Variants in RAP1A observed in about 807,000 individuals in gnomAD.
RAP1A encodes the protein ras-related protein Rap-1A.
In RAP1A, 6 loss-of-function variants were observed where a neutral mutation model predicts 26.4. That is an observed-to-expected ratio of 0.23 (90% CI 0.12 to 0.45). The LOEUF (loss-of-function observed/expected upper bound fraction) is 0.45. RAP1A is among the 20% of genes least tolerant of loss of function. The pLI is 0.99. For synonymous variants in RAP1A, 73 were observed against 79.4 expected (o/e 0.92, Z 0.43); for missense variants, 121 against 217.2 (o/e 0.56, Z 2.78).
chr1:111,707,454 T>G (rs981539669), intron 6 of RAP1A, among the ~76,000 whole-genome samples: 5 of 152,192 alleles, frequency 3.3e-5, no homozygotes, highest in African/African-American at 4.8e-5. Flanking sequence ...TGCCACTTGT[T>G]TACAGAAATT....
chr1:111,636,983 A>T (rs977626725), intron 1 of RAP1A, among the ~76,000 whole-genome samples: 2 of 151,938 alleles, frequency 1.3e-5, no homozygotes, highest in African/African-American at 4.8e-5. Flanking sequence ...AATAAAAGCT[A>T]CTCCGGTATA....
intron 1 of RAP1A, among the ~76,000 whole-genome samples, chr1:111,573,352 C>G (rs1342554130): frequency 6.6e-6 from 1 of 152,170 alleles, no homozygotes; most frequent in Non-Finnish European, 1.5e-5. Context: ...GCACTCCCAC[C>G]AACAGTGTAT....
intron 1 of RAP1A, among the ~76,000 whole-genome samples, chr1:111,681,683 A>C (rs1354948894): frequency 2.0e-5 from 3 of 152,218 alleles, no homozygotes; most frequent in Admixed American, 6.5e-5. Flanking sequence ...CAAAGCCCCC[A>C]AGAAATGTGG....
intron 1 of RAP1A, chr1:111,648,931 G>A: frequency 1.4e-6 from 1 of 718,424 alleles, no homozygotes; most frequent in Admixed American, 1.8e-5. Context: ...TCCCCTTTAT[G>A]GTTCTTCTTC....
chr1:111,593,651 A>ATTTTTT (rs1658509800), intron 1 of RAP1A, among the ~76,000 whole-genome samples: 2 of 41,402 alleles, frequency 4.8e-5, no homozygotes, highest in African/African-American at 8.6e-5. Flanking sequence ...TATGACTCCT[A>ATTTTTT]CTTTTTTTTT....
intron 1 of RAP1A, among the ~76,000 whole-genome samples, chr1:111,635,139 A>T (rs1659689515): frequency 6.6e-6 from 1 of 152,220 alleles, no homozygotes; most frequent in Admixed American, 6.5e-5. Context: ...ACTAAAACAG[A>T]TGCAAAATTA....
chr1:111,667,962 G>C (rs1281407746), intron 1 of RAP1A, among the ~76,000 whole-genome samples: 2 of 152,150 alleles, frequency 1.3e-5, no homozygotes, highest in African/African-American at 4.8e-5. Context: ...ACTAAGCTCA[G>C]TCTATGAGGA....
intron 1 of RAP1A, among the ~76,000 whole-genome samples, chr1:111,666,578 T>C (rs1660801347): frequency 6.6e-6 from 1 of 152,142 alleles, no homozygotes; most frequent in Non-Finnish European, 1.5e-5. Context: ...CTGAGATTAT[T>C]ATATGTGGCA....
intron 1 of RAP1A, among the ~76,000 whole-genome samples, chr1:111,683,019 C>A (rs952955068): frequency 3.3e-5 from 5 of 152,156 alleles, no homozygotes; most frequent in African/African-American, 1.2e-4. Context: ...GAAACTCACT[C>A]AAAACTGCAC....
intron 1 of RAP1A, among the ~76,000 whole-genome samples, chr1:111,677,746 A>G (rs1258122290): frequency 6.6e-6 from 1 of 152,188 alleles, no homozygotes; most frequent in African/African-American, 2.4e-5. Flanking sequence ...GCCTTTTAGG[A>G]TCTAGACTTG....
chr1:111,648,892 T>A (rs755975258), intron 1 of RAP1A: 15 of 795,866 alleles, frequency 1.9e-5, no homozygotes, highest in Non-Finnish European at 3.3e-5. Context: ...AACCCAGAGC[T>A]GGCAATCTGG....
intron 1 of RAP1A, among the ~76,000 whole-genome samples, chr1:111,658,142 A>T (rs1298582686): frequency 3.3e-5 from 5 of 152,218 alleles, no homozygotes; most frequent in Non-Finnish European, 7.4e-5. Flanking sequence ...ATACGTTCGG[A>T]GAAATATATT....
chr1:111,706,751 C>A, intron 6 of RAP1A: 1 of 983,394 alleles, frequency 1.0e-6, no homozygotes, highest in Non-Finnish European at 1.2e-6. Flanking sequence ...AACTTGCCCT[C>A]ATCACTGAAC....
rs117032786 is a variant in RAP1A, at chr1:111,561,401, C to T, written c.-28+18892C>T. ...AGCCTCTCAGTGCTGGGATTACAGG[C>T]GTGAGCCACCGTGCCCAGCTCCAAT... On this transcript the variant is annotated intron_variant, in intron 1 of 7. Coordinates refer to the RAP1A transcript ENST00000356415. Among the ~76,000 whole-genome samples the T allele has an allele frequency of 7.6e-4, 116 of 152,304 alleles. 3 individuals are homozygous for T. The East Asian group carries it at 0.02, about 26-fold the overall frequency.
Position 111,713,641 on chromosome 1 carries a change from A to C in RAP1A, c.*1240A>C, listed in dbSNP as rs1662450440. ...TAAAAGGAATGTGTTACTTTTGCTTAAACTACTTATGAAATAGTATGGTAG... is the reference window on the plus strand; with the variant it reads ...TAAAAGGAATGTGTTACTTTTGCTTCAACTACTTATGAAATAGTATGGTAG... On this transcript the variant is annotated 3_prime_UTR_variant, in exon 8 of 8. Transcript: ENST00000369709. 1 of 152,246 alleles carries C rather than the reference A, an allele frequency of 6.6e-6. No homozygotes were observed. Among genetic ancestry groups the C allele is most frequent in the Non-Finnish European group, 1.5e-5 (1 of 68,034 alleles). The allele number at this position is 152,246 out of a possible 1,614,324, so 9.4% of individuals were successfully genotyped here. A position where few individuals can be genotyped will look rare whatever the true frequency, so the allele number is the denominator to read the frequency against.
chr1:111,682,034 T>C (rs496296), intron 1 of RAP1A, among the ~76,000 whole-genome samples: 62,858 of 151,840 alleles, frequency 0.41, 13,224 homozygotes, highest in African/African-American at 0.49. Context: ...AGAGTGGGGG[T>C]CAGTATTCAG....
rs578036139 is a variant in RAP1A, at chr1:111,702,146, A to G, written c.184-1190A>G. 5.3e-5 allele frequency among the ~76,000 whole-genome samples: 8 copies of G among 152,334 alleles called. No individual in the cohort carries two copies. In the South Asian group the frequency reaches 1.7e-3, roughly 32 times the overall value. ...AAAATAGAGGTAGTGGTCATGGGGA[A>G]CAAGGAAGCCAAGGCACAACAAGCT... is the stretch of plus-strand genomic sequence containing the variant. On this transcript the variant is annotated intron_variant, in intron 4 of 7. Coordinates refer to ENST00000369709, the MANE Select transcript of RAP1A (RefSeq NM_002884.4).
chr1:111,587,450 G>C (rs1658390861), intron 1 of RAP1A, among the ~76,000 whole-genome samples: 1 of 152,058 alleles, frequency 6.6e-6, no homozygotes, highest in Non-Finnish European at 1.5e-5. Flanking sequence ...ATTTTCTCTA[G>C]TTCAAAACTA....
chr1:111,581,189 A>G (rs1166887227), intron 1 of RAP1A, among the ~76,000 whole-genome samples: 1 of 151,798 alleles, frequency 6.6e-6, no homozygotes, highest in Non-Finnish European at 1.5e-5. Context: ...GAGCTTGACT[A>G]TGATGGGAGA....
Sources: gnomAD v4.1 joint callset for allele counts (sites outside exome capture counted in the v4.1 genomes callset) on GRCh38, gnomAD v4.1.1 for gene constraint, MANE v1.5 for transcripts, NCBI Gene and HGNC (gene_info 2026-07-23, HGNC 2026-07-21) for gene names.